MED13L: variants seen among roughly 807,000 people sequenced by gnomAD.
MED13L encodes mediator of RNA polymerase II transcription subunit 13-like.
A neutral mutation model predicts 220.9 loss-of-function variants in MED13L; 7 were observed. The ratio of observed to expected loss-of-function variants is 0.03; its 90% CI spans 0.02 to 0.06. MED13L has a LOEUF of 0.06. Among genes scored for constraint, MED13L ranks in the 10% least tolerant of loss-of-function variants. The pLI, the probability that MED13L is intolerant of heterozygous loss-of-function variation, is 1.00. For synonymous variants in MED13L, 1,011 were observed against 1,015.2 expected, an observed-to-expected ratio of 1.00 and a Z score of 0.08; for missense variants, 1,965 against 2,760.5, an observed-to-expected ratio of 0.71 and a Z score of 6.46.
chr12:116,073,679 T>C (rs1052166801), intron 4 of MED13L, among the ~76,000 whole-genome samples: 2 of 152,214 alleles, frequency 1.3e-5, no homozygotes, highest in Non-Finnish European at 2.9e-5. Flanking sequence ...AATAAGTACA[T>C]GTTCAACCCT....
chr12:116,159,540 TCTAA>T lies in MED13L; in HGVS notation c.311-48032_311-48029del, dbSNP rs564169735. On this transcript the variant is annotated intron_variant, in intron 2 of 30. Transcript: ENST00000281928. ...TCTTCTATAATTCACTTTTTATCAC[TCTAA>T]CTTACAGTTCACATTCCTATATACT... Among the ~76,000 whole-genome samples the T allele has an allele frequency of 4.6e-5, 7 of 152,334 alleles. No individual in the cohort carries two copies. The South Asian group carries it at 1.4e-3, about 32-fold the overall frequency.
At chr12:116,240,335 G>A (rs1234713215) in intron 1 of MED13L, among the ~76,000 whole-genome samples, 2 of 151,892 alleles carry the variant, frequency 1.3e-5, no homozygotes, top group Admixed American at 6.6e-5. Flanking sequence ...AACCTCAAGC[G>A]GTCCACCCAC....
intron 1 of MED13L, among the ~76,000 whole-genome samples, chr12:116,254,944 T>C (rs1343851716): frequency 2.0e-5 from 3 of 152,170 alleles, no homozygotes; most frequent in Admixed American, 6.5e-5. Context: ...AACTGAAAGA[T>C]TTAAAATCGT....
At chr12:116,220,027 C>T (rs868068937) in intron 2 of MED13L, among the ~76,000 whole-genome samples, 2 of 152,020 alleles carry the variant, frequency 1.3e-5, no homozygotes, top group African/African-American at 4.8e-5. Flanking sequence ...GAACTCCTGA[C>T]CTCGTGATCC....
At chr12:116,173,664 C>T (rs1255250411) in intron 2 of MED13L, among the ~76,000 whole-genome samples, 1 of 152,076 alleles carries the variant, frequency 6.6e-6, no homozygotes, top group South Asian at 2.1e-4. Context: ...CCTTACAGAG[C>T]ATGCATTTGC....
chr12:116,147,795 T>C (rs1453433034), intron 2 of MED13L, among the ~76,000 whole-genome samples: 1 of 152,110 alleles, frequency 6.6e-6, no homozygotes, highest in Non-Finnish European at 1.5e-5. Flanking sequence ...GCTAATTTCA[T>C]AATTCTAAAA....
At chr12:116,167,816 T>C (rs916570428) in intron 2 of MED13L, among the ~76,000 whole-genome samples, 1 of 152,188 alleles carries the variant, frequency 6.6e-6, no homozygotes, top group African/African-American at 2.4e-5. Context: ...GTATTGATCA[T>C]GCTAATAGCT....
At chr12:116,031,752 A>AAG (rs1555251772) in intron 4 of MED13L, among the ~76,000 whole-genome samples, 355 of 31,482 alleles carry the variant, frequency 0.011, 17 homozygotes, top group Middle Eastern at 0.043. Flanking sequence ...AAAGAAAAGA[A>AAG]AAGAAAAGAA....
chr12:116,199,328 C>T (rs1385506701), intron 2 of MED13L, among the ~76,000 whole-genome samples: 1 of 152,192 alleles, frequency 6.6e-6, no homozygotes, highest in Non-Finnish European at 1.5e-5. Flanking sequence ...CCAATCTCAG[C>T]CATTTCTGCT....
intron 4 of MED13L, among the ~76,000 whole-genome samples, chr12:116,049,036 A>G (rs1261288817): frequency 6.6e-6 from 1 of 152,216 alleles, no homozygotes; most frequent in Non-Finnish European, 1.5e-5. Context: ...CCTAGCAAAC[A>G]AAAGTCTCTG....
chr12:116,119,345 A>C (rs997397551), intron 2 of MED13L, among the ~76,000 whole-genome samples: 4 of 152,150 alleles, frequency 2.6e-5, no homozygotes, highest in Non-Finnish European at 5.9e-5. Flanking sequence ...TTGGTGCTAA[A>C]GTAGCAGAGG....
In MED13L at chr12:116,012,854, T is replaced by C. The variant is rs377207761; in HGVS notation, c.1223A>G (p.Asn408Ser). The C allele has an allele frequency of 3.8e-5, 62 of 1,613,880 alleles. No homozygotes were observed. Among genetic ancestry groups the C allele is most frequent in the Middle Eastern group, 1.6e-4 (1 of 6,080 alleles). Residue 408 changes from asparagine (N) to serine (S), a missense_variant, in exon 9 of 31, where the codon AAT becomes AGT. By Grantham distance (46) the Asn-to-Ser change is conservative. Transcript: ENST00000281928. Reference sequence around the variant, plus strand: ...ATCCACAAAATCCCAAGTAGCAGGATTGCTAGCAGGCTCTTCTTCAAGAGT... The same window carrying C: ...ATCCACAAAATCCCAAGTAGCAGGACTGCTAGCAGGCTCTTCTTCAAGAGT... ...TPTLEEEPASNPATWDFVDPT... is the reference protein window; with the variant it reads ...TPTLEEEPASSPATWDFVDPT...
At chr12:116,090,065 A>C (rs1247404101) in intron 4 of MED13L, among the ~76,000 whole-genome samples, 1 of 152,222 alleles carries the variant, frequency 6.6e-6, no homozygotes, top group Non-Finnish European at 1.5e-5. Flanking sequence ...TCAGAAAAAC[A>C]TACCATGAAC....
chr12:115,993,000 TA>T (rs201429020), intron 16 of MED13L, among the ~76,000 whole-genome samples: 143 of 146,580 alleles, frequency 9.8e-4, no homozygotes, highest in African/African-American at 3.3e-3. Flanking sequence ...AAAATACAAT[TA>T]AAAAAAAAAC....
chr12:115,973,432 A>G (rs1876721565), intron 25 of MED13L, among the ~76,000 whole-genome samples: 1 of 152,102 alleles, frequency 6.6e-6, no homozygotes, highest in Non-Finnish European at 1.5e-5. Context: ...CTGAACATAC[A>G]TTTTCTTTCA....
intron 1 of MED13L, among the ~76,000 whole-genome samples, chr12:116,275,932 G>GTT (rs1168694828): frequency 6.6e-6 from 1 of 152,142 alleles, no homozygotes; most frequent in African/African-American, 2.4e-5. Context: ...TATACATACA[G>GTT]TAACTCATGC....
intron 4 of MED13L, among the ~76,000 whole-genome samples, chr12:116,061,569 G>C (rs1317354135): frequency 6.6e-6 from 1 of 152,062 alleles, no homozygotes; most frequent in East Asian, 1.9e-4. Flanking sequence ...GGACATGATA[G>C]TTACTAAAAT....
chr12:115,992,227 A>G (rs1819328085), intron 16 of MED13L, among the ~76,000 whole-genome samples: 1 of 152,196 alleles, frequency 6.6e-6, no homozygotes, highest in South Asian at 2.1e-4. Flanking sequence ...TCCTCATCCT[A>G]ACCTCTTGAA....
At chr12:116,004,542 A>G (rs1165442005) in intron 13 of MED13L, among the ~76,000 whole-genome samples, 3 of 152,126 alleles carry the variant, frequency 2.0e-5, no homozygotes, top group Non-Finnish European at 4.4e-5. Flanking sequence ...AGGAACACAT[A>G]TTAGTACAGT....
Sources: gnomAD v4.1 joint callset for allele counts (sites outside exome capture counted in the v4.1 genomes callset) on GRCh38, gnomAD v4.1.1 for gene constraint, MANE v1.5 for transcripts, NCBI Gene and HGNC (gene_info 2026-07-23, HGNC 2026-07-21) for gene names.